Variants in NAALADL2 observed in about 807,000 individuals in gnomAD.
NAALADL2 encodes the protein N-acetylated alpha-linked acidic dipeptidase like 2.
NAALADL2 carries 76 observed loss-of-function variants against 87.2 expected under a neutral mutation model. That is an observed-to-expected ratio of 0.87 (90% CI 0.72 to 1.05). NAALADL2 has a LOEUF of 1.05. Ranked by LOEUF, NAALADL2 falls within the 50% of genes least tolerant of loss-of-function variation. NAALADL2 has a pLI of 0.00. For synonymous variants in NAALADL2, 354 were observed against 331.0 expected (o/e 1.07, Z -0.75); for missense variants, 1,089 against 945.8 (o/e 1.15, Z -1.99).
At chr3:175,479,045 T>C (rs1431467561) in intron 9 of NAALADL2, among the ~76,000 whole-genome samples, 2 of 151,818 alleles carry the variant, frequency 1.3e-5, no homozygotes, top group Non-Finnish European at 3.0e-5. Context: ...ATTTAAACAG[T>C]TTTTTGCTGA....
intron 2 of NAALADL2, among the ~76,000 whole-genome samples, chr3:174,639,818 T>C (rs1722996310): frequency 6.6e-6 from 1 of 152,234 alleles, no homozygotes; most frequent in South Asian, 2.1e-4. Context: ...CTTGTTAATA[T>C]TGTCATTAAC....
chr3:175,748,364 C>A (rs2150116250), intron 12 of NAALADL2, among the ~76,000 whole-genome samples: 1 of 152,246 alleles, frequency 6.6e-6, no homozygotes, highest in East Asian at 1.9e-4. Flanking sequence ...TTGGCAATTT[C>A]TTTTATTTTC....
intron 5 of NAALADL2, among the ~76,000 whole-genome samples, chr3:175,380,955 G>T (rs987716038): frequency 6.6e-6 from 1 of 151,804 alleles, no homozygotes; most frequent in African/African-American, 2.4e-5. Context: ...GAGACAAGAG[G>T]TGCTAAGGAA....
intron 4 of NAALADL2, among the ~76,000 whole-genome samples, chr3:175,266,004 A>G (rs1355476095): frequency 6.6e-6 from 1 of 150,776 alleles, no homozygotes; most frequent in Admixed American, 6.6e-5. Flanking sequence ...ATAGTTAAGA[A>G]TAAAGCTTTT....
chr3:174,655,545 G>A (rs1022046189), intron 2 of NAALADL2, among the ~76,000 whole-genome samples: 25 of 152,144 alleles, frequency 1.6e-4, no homozygotes, highest in East Asian at 3.9e-4. Flanking sequence ...CATGGCAGAC[G>A]TTAATAATGA....
intron 9 of NAALADL2, among the ~76,000 whole-genome samples, chr3:175,485,444 A>G (rs1727115757): frequency 6.6e-6 from 1 of 152,174 alleles, no homozygotes; most frequent in Admixed American, 6.6e-5. Flanking sequence ...CTGAAGAGCA[A>G]GGAAGCCAGT....
At chr3:174,755,942 G>A (rs1165814143) in intron 3 of NAALADL2, among the ~76,000 whole-genome samples, 1 of 152,168 alleles carries the variant, frequency 6.6e-6, no homozygotes, top group Non-Finnish European at 1.5e-5. Flanking sequence ...TGTAGGCAGA[G>A]GTTTTAAGCC....
At chr3:175,469,266 A>G (rs996751184) in intron 8 of NAALADL2, among the ~76,000 whole-genome samples, 1 of 152,100 alleles carries the variant, frequency 6.6e-6, no homozygotes, top group Non-Finnish European at 1.5e-5. Context: ...TAAACATCCT[A>G]TTGAAGACAA....
At chr3:175,677,209 A>G (rs985159234) in intron 11 of NAALADL2, among the ~76,000 whole-genome samples, 2 of 151,932 alleles carry the variant, frequency 1.3e-5, no homozygotes, top group African/African-American at 4.8e-5. Context: ...CTAAAAATAC[A>G]AAAATTAGCT....
intron 2 of NAALADL2, among the ~76,000 whole-genome samples, chr3:174,700,336 CA>C (rs1729436196): frequency 6.7e-6 from 1 of 150,284 alleles, no homozygotes; most frequent in Non-Finnish European, 1.5e-5. Flanking sequence ...GGCTAAAATT[CA>C]ATTTACTTAA....
chr3:175,481,173 A>G (rs1207861361), intron 9 of NAALADL2, among the ~76,000 whole-genome samples: 1 of 151,976 alleles, frequency 6.6e-6, no homozygotes, highest in Non-Finnish European at 1.5e-5. Context: ...TCATTGTAAT[A>G]TACTTACAAC....
chr3:175,216,002 G>T (rs1742460982), intron 2 of NAALADL2, among the ~76,000 whole-genome samples: 1 of 152,232 alleles, frequency 6.6e-6, no homozygotes, highest in Admixed American at 6.5e-5. Context: ...CATGTCAGTA[G>T]ATCCTTAATG....
At chr3:174,634,155 T>C (rs1722409492) in intron 2 of NAALADL2, among the ~76,000 whole-genome samples, 1 of 152,168 alleles carries the variant, frequency 6.6e-6, no homozygotes, top group Non-Finnish European at 1.5e-5. Flanking sequence ...GTTTTCAGAA[T>C]AGATGTTGCA....
chr3:174,928,237 C>T (rs746198636), intron 1 of NAALADL2, among the ~76,000 whole-genome samples: 9 of 152,038 alleles, frequency 5.9e-5, no homozygotes, highest in Non-Finnish European at 1.0e-4. Context: ...CCTTATGTGA[C>T]ATCTGTTATT....
chr3:174,741,247 G>C (rs552382), intron 3 of NAALADL2, among the ~76,000 whole-genome samples: 120,871 of 151,422 alleles, frequency 0.8, 48,550 homozygotes, highest in African/African-American at 0.89. Flanking sequence ...TCATCCCTCC[G>C]TCAATGTAAT....
intron 4 of NAALADL2, among the ~76,000 whole-genome samples, chr3:175,269,976 G>C (rs1752561922): frequency 6.6e-6 from 1 of 151,966 alleles, no homozygotes; most frequent in Non-Finnish European, 1.5e-5. Flanking sequence ...GTGAAGTCAG[G>C]TAATAAATAT....
intron 13 of NAALADL2, among the ~76,000 whole-genome samples, chr3:175,787,469 G>T (rs535146177): frequency 1.2e-4 from 18 of 152,294 alleles, no homozygotes; most frequent in Non-Finnish European, 2.4e-4. Context: ...GGAGTGACCC[G>T]ATTTTCCAGG....
chr3:175,021,218 C>G (rs1751512592), intron 1 of NAALADL2, among the ~76,000 whole-genome samples: 1 of 151,974 alleles, frequency 6.6e-6, no homozygotes, highest in African/African-American at 2.4e-5. Flanking sequence ...CGCAATTTGT[C>G]CATTCATTTC....
At chr3:174,727,164 A>G (rs988306332) in intron 2 of NAALADL2, among the ~76,000 whole-genome samples, 2 of 151,086 alleles carry the variant, frequency 1.3e-5, no homozygotes, top group African/African-American at 4.9e-5. Context: ...TGTTTGTGTG[A>G]TGTATTTCTG....
Sources: gnomAD v4.1 joint callset for allele counts (sites outside exome capture counted in the v4.1 genomes callset) on GRCh38, gnomAD v4.1.1 for gene constraint, MANE v1.5 for transcripts, NCBI Gene and HGNC (gene_info 2026-07-23, HGNC 2026-07-21) for gene names.